Variants in CNNM2 observed in about 807,000 individuals in gnomAD.
The protein encoded by CNNM2 is cyclin and CBS domain divalent metal cation transport mediator 2.
A neutral mutation model predicts 66.9 loss-of-function variants in CNNM2; 12 were observed. The observed-to-expected ratio is 0.18, with a 90% CI of 0.11 to 0.29. The LOEUF (loss-of-function observed/expected upper bound fraction) is 0.29. Among genes scored for constraint, CNNM2 ranks in the 10% least tolerant of loss-of-function variants. CNNM2 has a pLI of 1.00. For missense variants in CNNM2, 705 were observed against 1,167.7 expected, an observed-to-expected ratio of 0.60 and a Z score of 5.77; for synonymous variants, 557 against 501.8, an observed-to-expected ratio of 1.11 and a Z score of -1.47.
chr10:103,057,569 C>T (rs924874100), intron 4 of CNNM2, among the ~76,000 whole-genome samples: 7 of 151,882 alleles, frequency 4.6e-5, no homozygotes, highest in African/African-American at 1.7e-4. Context: ...GGAGAGTTTA[C>T]CAGTACATGT....
intron 1 of CNNM2, among the ~76,000 whole-genome samples, chr10:102,943,983 C>T (rs1054929095): frequency 6.6e-6 from 1 of 152,120 alleles, no homozygotes; most frequent in African/African-American, 2.4e-5. Context: ...CTAAGGGATC[C>T]GTAAGTTTAC....
chr10:103,057,069 G>C, intron 4 of CNNM2, 105 bp downstream of exon 4: 1 of 1,132,624 alleles, frequency 8.8e-7, no homozygotes, highest in Non-Finnish European at 1.3e-6. Flanking sequence ...CTTTCTATAG[G>C]GGGTAGCCTT....
chr10:102,927,459 A>G, intron 1 of CNNM2: 1 of 1,606,680 alleles, frequency 6.2e-7, no homozygotes, highest in East Asian at 2.2e-5. Context: ...ATACAGAGGG[A>G]TAAAAAGGGG....
chr10:103,054,805 G>A lies in CNNM2; in HGVS notation c.1903+339G>A, dbSNP rs533213387. ...TCCTTCCAGCTAGGTCCGTGGGAGA[G>A]CCAGCTGGCGGAGCAGGCTGATGGT... On this transcript the variant is annotated intron_variant, in intron 3 of 7. Transcript: ENST00000369878. The surrounding 1 kb of genome is among the most constrained non-coding windows in gnomAD (Gnocchi z 5.2). Among the ~76,000 whole-genome samples the A allele has an allele frequency of 1.3e-5, 2 of 152,246 alleles. No homozygotes were observed. The highest frequency in any genetic ancestry group is 4.1e-4 in the South Asian group (2 of 4,826).
chr10:102,937,644 T>TAGC (rs2134174133), intron 1 of CNNM2, among the ~76,000 whole-genome samples: 1 of 152,324 alleles, frequency 6.6e-6, no homozygotes, highest in East Asian at 1.9e-4. Context: ...CTTACACATT[T>TAGC]TGCTAAAATA....
intron 6 of CNNM2, 88 bp from the exon 7 acceptor site, chr10:103,075,998 A>G: frequency 8.1e-7 from 1 of 1,228,226 alleles, no homozygotes. Context: ...CTTGTGTGGC[A>G]TTTAGTATTT....
At chr10:103,072,412 C>CCCG (rs1787018162) in intron 6 of CNNM2, among the ~76,000 whole-genome samples, 2 of 152,142 alleles carry the variant, frequency 1.3e-5, no homozygotes, top group Non-Finnish European at 2.9e-5. Flanking sequence ...GGCAGGCGGC[C>CCCG]CTACTTCTCC....
intron 1 of CNNM2, among the ~76,000 whole-genome samples, chr10:102,935,098 G>A (rs1846187815): frequency 3.4e-5 from 5 of 147,666 alleles, no homozygotes; most frequent in Admixed American, 2.8e-4. Flanking sequence ...GGTGGAGGTT[G>A]CAGTGAGCCG....
rs2065781000 is a variant in CNNM2, at chr10:103,084,069, G to C, written c.*6889G>C. ...TCCTTCTTACCCTCATCACTCACAT[G>C]AGACCAGTCCCTGAAGAACTTACGG... On this transcript the variant is annotated 3_prime_UTR_variant, in exon 8 of 8. Transcript: ENST00000369878. 1 of 152,148 alleles carries C rather than the reference G, an allele frequency of 6.6e-6. No homozygotes were observed. Among genetic ancestry groups the C allele is most frequent in the Non-Finnish European group, 1.5e-5 (1 of 68,048 alleles). 9.4% of individuals were successfully genotyped at this position (152,148 alleles called of 1,614,324 possible).
At chr10:103,025,322 C>T (rs1218477370) in intron 1 of CNNM2, among the ~76,000 whole-genome samples, 1 of 152,162 alleles carries the variant, frequency 6.6e-6, no homozygotes, top group Non-Finnish European at 1.5e-5. Flanking sequence ...ATCTCCTGAC[C>T]TTGTGATCCA....
rs2065775897 is a variant in CNNM2, at chr10:103,083,498, G to A, written c.*6318G>A. ...CCTACCCACTTGCCTGGCTTTGCTG[G>A]TGGGAAAGCTGGGACTGGATCTCAG... On this transcript the variant is annotated 3_prime_UTR_variant, in exon 8 of 8. Coordinates refer to ENST00000369878, the MANE Select transcript of CNNM2 (RefSeq NM_017649.5). 1 of 152,216 alleles carries A rather than the reference G, an allele frequency of 6.6e-6. No homozygotes were observed. Among genetic ancestry groups the A allele is most frequent in the Non-Finnish European group, 1.5e-5 (1 of 68,090 alleles). The allele number at this position is 152,216 out of a possible 1,614,324, so 9.4% of individuals were successfully genotyped here.
chr10:103,068,578 C>T, intron 4 of CNNM2, 51 bp from the exon 5 acceptor site: 1 of 1,410,604 alleles, frequency 7.1e-7, no homozygotes, highest in Non-Finnish European at 9.9e-7. Flanking sequence ...ACAGAGTGTG[C>T]CAGTAGGCTT....
chr10:102,977,192 T>C (rs958755967), intron 1 of CNNM2, among the ~76,000 whole-genome samples: 25 of 152,192 alleles, frequency 1.6e-4, no homozygotes, highest in African/African-American at 6.0e-4. Flanking sequence ...TTTACTCTCA[T>C]GGATGTTTGT....
At chr10:103,021,186 C>T (rs1046926834) in intron 1 of CNNM2, among the ~76,000 whole-genome samples, 10 of 152,238 alleles carry the variant, frequency 6.6e-5, no homozygotes, top group African/African-American at 2.4e-4. Flanking sequence ...ATTGTCCCAG[C>T]TGACCGACTG....
Position 103,081,463 on chromosome 10 carries a change from T to C in CNNM2, c.*4283T>C, listed in dbSNP as rs560961698. ...TTGAATAGGAAAGTGATCTGGGGATTCAGAAATTTTTCTGATGTATCAATG... is the reference window on the plus strand; with the variant it reads ...TTGAATAGGAAAGTGATCTGGGGATCCAGAAATTTTTCTGATGTATCAATG... On this transcript the variant is annotated 3_prime_UTR_variant, in exon 8 of 8. Transcript: ENST00000369878. 2.6e-5 allele frequency: 4 copies of C among 152,340 alleles called. No individual in the cohort carries two copies. The East Asian group carries it at 7.7e-4, about 29-fold the overall frequency. The allele number at this position is 152,340 out of a possible 1,614,324, so 9.4% of individuals were successfully genotyped here. A position where few individuals can be genotyped will look rare whatever the true frequency, so the allele number is the denominator to read the frequency against.
chr10:102,947,015 G>C (rs1034698298), intron 1 of CNNM2, among the ~76,000 whole-genome samples: 2 of 152,122 alleles, frequency 1.3e-5, no homozygotes, highest in African/African-American at 2.4e-5. Flanking sequence ...TTTTTACTCA[G>C]AGTAAATGTT....
At chr10:102,947,843 A>G (rs948187680) in intron 1 of CNNM2, among the ~76,000 whole-genome samples, 16 of 152,104 alleles carry the variant, frequency 1.1e-4, no homozygotes, top group African/African-American at 3.9e-4. Flanking sequence ...CGAGGTCAGG[A>G]GATCGAGACC....
intron 1 of CNNM2, among the ~76,000 whole-genome samples, chr10:102,979,257 C>T (rs777273585): frequency 3.3e-5 from 5 of 152,096 alleles, no homozygotes; most frequent in South Asian, 2.1e-4. Context: ...TTGTTAAATC[C>T]TATTATTTGT....
At chr10:102,992,272 C>G (rs2063911762) in intron 1 of CNNM2, among the ~76,000 whole-genome samples, 1 of 86,320 alleles carries the variant, frequency 1.2e-5, no homozygotes, top group East Asian at 4.5e-4. Flanking sequence ...GCTCCAAGTT[C>G]CTTTTTTTTT....
Sources: allele counts gnomAD v4.1 joint callset (sites outside exome capture counted in the v4.1 genomes callset), GRCh38; gene constraint gnomAD v4.1.1; non-coding constraint Gnocchi (gnomAD v3.1); transcripts MANE v1.5; gene names NCBI Gene and HGNC (gene_info 2026-07-23, HGNC 2026-07-21).